The following TDRP variants were observed in gnomAD, a reference collection of about 807,000 sequenced individuals.
TDRP encodes testis development-related protein.
Under a neutral mutation model 10.5 loss-of-function variants are expected in TDRP, and 12 were observed. The ratio of observed to expected loss-of-function variants is 1.15; its 90% CI spans 0.73 to 1.86. The LOEUF (loss-of-function observed/expected upper bound fraction) is 1.86, where lower values mean the gene tolerates loss of function less well. Among genes scored for constraint, TDRP ranks in the 40% most tolerant of loss-of-function variants. TDRP has a pLI of 0.00. For missense variants in TDRP, 353 were observed against 229.2 expected, an observed-to-expected ratio of 1.54 and a Z score of -3.49; for synonymous variants, 139 against 95.4, an observed-to-expected ratio of 1.46 and a Z score of -2.67.
chr8:498,526 T>C (rs145362044), intron 1 of TDRP, among the ~76,000 whole-genome samples: 56 of 152,350 alleles, frequency 3.7e-4, no homozygotes, highest in African/African-American at 1.3e-3. Flanking sequence ...TACAGGCTTA[T>C]AGGCAGAAGG....
intron 1 of TDRP, 149 bp from the exon 2 acceptor site, chr8:494,746 A>C: frequency 1.5e-6 from 1 of 655,530 alleles, no homozygotes; most frequent in Admixed American, 2.7e-5. Flanking sequence ...CACATAGTTT[A>C]CTCCCATTAG....
At chr8:498,672 A>G (rs1801202243) in intron 1 of TDRP, among the ~76,000 whole-genome samples, 1 of 152,150 alleles carries the variant, frequency 6.6e-6, no homozygotes, top group East Asian at 1.9e-4. Flanking sequence ...AAATGTAAGA[A>G]GAACATTACA....
Position 544,701 on chromosome 8 carries a change from G to A in TDRP, c.57C>T (p.Asp19=), listed in dbSNP as rs1291182350. 4.8e-6 allele frequency: 6 copies of A among 1,245,706 alleles called. No homozygotes were observed. The highest frequency in any genetic ancestry group is 3.1e-5 in the East Asian group (1 of 31,794). The allele number at this position is 1,245,706 out of a possible 1,614,324, so 77.2% of individuals were successfully genotyped here. A position where few individuals can be genotyped will look rare whatever the true frequency, so the allele number is the denominator to read the frequency against. ...VLLDEPPEEE[D]GLRGGPPPAA... ...CCGGTGGCGGCCCCCCACGCAGGCC[G>A]TCCTCCTCCTCGGGGGGCTCGTCCA... The change falls in exon 1 of 3, where the codon GAC becomes GAT. Residue 19 remains aspartate (D), a synonymous_variant. Transcript: ENST00000324079.
intron 1 of TDRP, among the ~76,000 whole-genome samples, chr8:538,378 T>G (rs138931271): frequency 1.3e-5 from 2 of 152,190 alleles, no homozygotes; most frequent in Non-Finnish European, 2.9e-5. Context: ...CTGGGTCAGA[T>G]AGAGTCTGTT....
upstream of TDRP, among the ~76,000 whole-genome samples, chr8:545,298 C>G (rs1802623897): frequency 7.6e-6 from 1 of 131,084 alleles, no homozygotes; most frequent in African/African-American, 3.0e-5. Flanking sequence ...CGCCCCCATC[C>G]TGAGCCCCCA....
chr8:524,885 G>A (rs1372797728), intron 1 of TDRP, among the ~76,000 whole-genome samples: 2 of 152,114 alleles, frequency 1.3e-5, no homozygotes, highest in Non-Finnish European at 2.9e-5. Context: ...AGAGAGAAGG[G>A]TAGAAAGTTT....
chr8:530,731 C>A (rs943538323), intron 1 of TDRP, among the ~76,000 whole-genome samples: 1 of 152,198 alleles, frequency 6.6e-6, no homozygotes, highest in African/African-American at 2.4e-5. Context: ...AGCCCCCAGA[C>A]ATCCAACATA....
chr8:495,773 C>A (rs535990547), intron 1 of TDRP, among the ~76,000 whole-genome samples: 1 of 152,338 alleles, frequency 6.6e-6, no homozygotes, highest in African/African-American at 2.4e-5. Flanking sequence ...GAATACAATT[C>A]AATCAACCCT....
intron 1 of TDRP, among the ~76,000 whole-genome samples, chr8:506,488 C>A (rs1044286500): frequency 6.6e-6 from 1 of 152,192 alleles, no homozygotes; most frequent in African/African-American, 2.4e-5. Flanking sequence ...GAATGCTACA[C>A]AGAGGTGAGG....
intron 1 of TDRP, among the ~76,000 whole-genome samples, chr8:540,608 G>A (rs535591396): frequency 1.5e-4 from 23 of 152,018 alleles, no homozygotes; most frequent in African/African-American, 4.1e-4. Flanking sequence ...CAAACCTTGC[G>A]GTTATATGTT....
intron 1 of TDRP, among the ~76,000 whole-genome samples, chr8:533,265 C>G (rs569171588): frequency 6.6e-6 from 1 of 152,334 alleles, no homozygotes; most frequent in East Asian, 1.9e-4. Context: ...CTCCTCAACT[C>G]TGGACAGCAG....
Position 521,412 on chromosome 8 carries a change from G to T in TDRP, c.108+23238C>A, listed in dbSNP as rs13249003. On this transcript the variant is annotated intron_variant, in intron 1 of 2. Transcript: ENST00000324079. ...AGCCTGGGCAAGAGAGAGAGATGCC[G>T]TCCCAAAAAACAAAAAAAGATACAA... Among the ~76,000 whole-genome samples the T allele has an allele frequency of 1.5e-3, 226 of 151,450 alleles. 2 individuals are homozygous for T. Among genetic ancestry groups the T allele is most frequent in the African/African-American group, 5.3e-3 (218 of 41,334 alleles).
chr8:525,714 T>G (rs891350015), intron 1 of TDRP, among the ~76,000 whole-genome samples: 14 of 151,854 alleles, frequency 9.2e-5, no homozygotes, highest in Non-Finnish European at 1.3e-4. Context: ...AAAAAGAAAT[T>G]AAAACATACC....
At chr8:517,730 C>A (rs1483677874) in intron 1 of TDRP, among the ~76,000 whole-genome samples, 1 of 152,208 alleles carries the variant, frequency 6.6e-6, no homozygotes, top group Non-Finnish European at 1.5e-5. Context: ...GGTACATGTT[C>A]TCAAGATCAC....
intron 1 of TDRP, among the ~76,000 whole-genome samples, chr8:532,158 C>T (rs1317686950): frequency 2.0e-5 from 3 of 152,228 alleles, no homozygotes; most frequent in Non-Finnish European, 4.4e-5. Context: ...GAGTGCACCA[C>T]ATCCACTAAC....
intron 1 of TDRP, among the ~76,000 whole-genome samples, chr8:521,574 C>G (rs1046025573): frequency 3.3e-5 from 5 of 152,318 alleles, no homozygotes; most frequent in South Asian, 2.1e-4. Context: ...TCTCTCTACT[C>G]TGTTCCATTG....
At chr8:508,909 C>T (rs1801537107) in intron 1 of TDRP, among the ~76,000 whole-genome samples, 1 of 152,212 alleles carries the variant, frequency 6.6e-6, no homozygotes, top group Non-Finnish European at 1.5e-5. Flanking sequence ...GAGATACAGA[C>T]ATTGGGTAAA....
intron 1 of TDRP, among the ~76,000 whole-genome samples, chr8:517,701 C>A (rs1801794560): frequency 6.6e-6 from 1 of 152,210 alleles, no homozygotes; most frequent in Non-Finnish European, 1.5e-5. Flanking sequence ...GAAAATCAGG[C>A]TGTAGCCCAA....
chr8:498,666 G>A (rs1370033752), intron 1 of TDRP, among the ~76,000 whole-genome samples: 1 of 152,162 alleles, frequency 6.6e-6, no homozygotes, highest in Non-Finnish European at 1.5e-5. Flanking sequence ...GTTTTGAAAT[G>A]TAAGAAGAAC....
Sources: gnomAD v4.1 joint callset for allele counts (sites outside exome capture counted in the v4.1 genomes callset) on GRCh38, gnomAD v4.1.1 for gene constraint, MANE v1.5 for transcripts, NCBI Gene and HGNC (gene_info 2026-07-23, HGNC 2026-07-21) for gene names.